The following BCL11A variants were observed in gnomAD, a reference collection of about 807,000 sequenced individuals.
BCL11A encodes B cell CLL/lymphoma 11A.
A neutral mutation model predicts 55.9 loss-of-function variants in BCL11A; 2 were observed. The observed-to-expected ratio is 0.04, with a 90% CI of 0.01 to 0.11. The LOEUF (loss-of-function observed/expected upper bound fraction) is 0.11, where lower values mean the gene tolerates loss of function less well. BCL11A is among the 10% of genes least tolerant of loss of function. The probability of loss-of-function intolerance (pLI) is 1.00; values close to 1 mark genes in which losing one functional copy is unlikely to be tolerated. For missense variants in BCL11A, 817 were observed against 1,137.1 expected (o/e 0.72, Z 4.05); for synonymous variants, 465 against 473.4 (o/e 0.98, Z 0.23).
intron 3 of BCL11A, among the ~76,000 whole-genome samples, chr2:60,467,861 ATGGTAC>A (rs1676901638): frequency 1.8e-5 from 1 of 54,134 alleles, no homozygotes. Context: ...ACTGGTGGTG[ATGGTAC>A]TGGTGGTGAT....
rs1676304819 is a variant in BCL11A at position 60,461,732 on chromosome 2, C to G, written c.1180G>C (p.Val394Leu). ...KTFKFQSNLV[V>L]HRRSHTGEKP... is the part of the protein sequence containing the mutation. The stretch of plus-strand genomic sequence containing the variant: ...TCGCCCGTGTGGCTGCGCCGGTGCA[C>G]CACCAGGTTGCTCTGAAATTTGAAC... The change falls in exon 4 of 4, where the codon GTG becomes CTG. Residue 394 changes from valine to leucine, a missense_variant. Physicochemically the swap from Val to Leu is conservative, Grantham distance 32. Around this residue, in one of 4 missense-constraint regions of BCL11A, gnomAD observed 45 missense variants for 109.0 expected, o/e 0.41. Coordinates refer to ENST00000642384, the MANE Select transcript of BCL11A (RefSeq NM_022893.4). 6.2e-7 allele frequency: 1 copy of G among 1,613,960 alleles called. No individual in the cohort carries two copies. The highest frequency in any genetic ancestry group is 8.5e-7 in the Non-Finnish European group (1 of 1,180,054).
chr2:60,467,174 G>GTGGTGA (rs1558618400), intron 3 of BCL11A, among the ~76,000 whole-genome samples: 5 of 136,958 alleles, frequency 3.7e-5, no homozygotes, highest in African/African-American at 1.4e-4. Flanking sequence ...GGTGATGGTG[G>GTGGTGA]TGGTGGTGGT....
rs1435945401 is a variant in BCL11A, at chr2:60,462,028, C to G, written c.884G>C (p.Ser295Thr). 1.9e-6 allele frequency: 3 copies of G among 1,611,152 alleles called. No homozygotes were observed. Among genetic ancestry groups the G allele is most frequent in the Non-Finnish European group, 1.7e-6 (2 of 1,178,918 alleles). Residue 295 changes from serine to threonine, a missense_variant, in exon 4 of 4, where the codon AGT (serine) becomes ACT (threonine). Physicochemically the swap from Ser to Thr is moderately conservative, Grantham distance 58. Transcript: ENST00000642384. ...CAACCGCAGCACCCTGTCAAAGGCA[C>G]TCGGGTGATGGGTGGCCAGGGCCAT... ...EEMALATHHP[S>T]AFDRVLRLNP... is the part of the protein sequence containing the mutation.
At chr2:60,486,654 T>C (rs1447508500) in intron 2 of BCL11A, among the ~76,000 whole-genome samples, 1 of 152,176 alleles carries the variant, frequency 6.6e-6, no homozygotes, top group Non-Finnish European at 1.5e-5. Flanking sequence ...TGGCAGATTA[T>C]TACCAGACAT....
chr2:60,493,652 C>T (rs543526086), intron 2 of BCL11A, among the ~76,000 whole-genome samples: 14 of 152,282 alleles, frequency 9.2e-5, no homozygotes, highest in African/African-American at 3.1e-4. Context: ...AGAGCCCCCA[C>T]TAGCTCAGAA....
At position 60,457,401 on chromosome 2, in the gene BCL11A, T is replaced by C; in HGVS notation, c.*3003A>G. 1.2e-5 allele frequency: 12 copies of C among 1,026,132 alleles called. No individual in the cohort carries two copies. Among genetic ancestry groups the C allele is most frequent in the Non-Finnish European group, 1.3e-5 (11 of 852,112 alleles). The allele number at this position is 1,026,132 out of a possible 1,614,324, so 63.6% of individuals were successfully genotyped here. A position where few individuals can be genotyped will look rare whatever the true frequency, so the allele number is the denominator to read the frequency against. ...AATAAAAACAAAGAAAAATAAAAGA[T>C]CAAATTAAGTGCCTCTGTTTTGAAC... On this transcript the variant is annotated 3_prime_UTR_variant, in exon 4 of 4. Coordinates refer to ENST00000642384, the MANE Select transcript of BCL11A (RefSeq NM_022893.4).
chr2:60,535,843 A>T (rs1436973554), intron 2 of BCL11A: 1 of 152,244 alleles, frequency 6.6e-6, no homozygotes, highest in South Asian at 2.1e-4. Flanking sequence ...GTGTCCACCC[A>T]CCACCACCAT....
intron 2 of BCL11A, chr2:60,544,954 G>T (rs1056691042): frequency 6.6e-6 from 1 of 152,222 alleles, no homozygotes; most frequent in East Asian, 1.9e-4. Context: ...CCCTTGAGCT[G>T]CCGAGAAACC....
At chr2:60,510,056 T>A (rs1412774621) in intron 2 of BCL11A, among the ~76,000 whole-genome samples, 1 of 152,138 alleles carries the variant, frequency 6.6e-6, no homozygotes, top group African/African-American at 2.4e-5. Flanking sequence ...TCCAGCCCCT[T>A]CTCACGTCCC....
chr2:60,455,514 A>C (rs893958585), downstream of BCL11A, among the ~76,000 whole-genome samples: 1 of 152,206 alleles, frequency 6.6e-6, no homozygotes, highest in Non-Finnish European at 1.5e-5. Flanking sequence ...CCCATCTCCC[A>C]GTAAATTTAT....
At chr2:60,541,219 A>G (rs1024500374) in intron 2 of BCL11A, among the ~76,000 whole-genome samples, 7 of 100,454 alleles carry the variant, frequency 7.0e-5, no homozygotes, top group East Asian at 8.8e-4. Context: ...TATTCTCAAA[A>G]CATTATTTAT....
chr2:60,524,450 A>C (rs1045127919), intron 2 of BCL11A: 3 of 151,110 alleles, frequency 2.0e-5, no homozygotes, highest in African/African-American at 4.9e-5. Flanking sequence ...GCTAAACTTT[A>C]TGTTCCTTGT....
intron 2 of BCL11A, among the ~76,000 whole-genome samples, chr2:60,517,903 G>A (rs1320538042): frequency 6.8e-6 from 1 of 147,758 alleles, no homozygotes; most frequent in Admixed American, 6.7e-5. Context: ...TTTCTTCTAT[G>A]ATTCCTCAGA....
At chr2:60,524,716 A>C (rs1669134730) in intron 2 of BCL11A, 1 of 152,132 alleles carries the variant, frequency 6.6e-6, no homozygotes, top group African/African-American at 2.4e-5. Flanking sequence ...TTTGCCCCTT[A>C]CTCTGAGCAC....
downstream of BCL11A, among the ~76,000 whole-genome samples, chr2:60,456,589 T>C (rs1222266755): frequency 6.6e-6 from 1 of 152,174 alleles, no homozygotes; most frequent in Non-Finnish European, 1.5e-5. Flanking sequence ...CCCTAGTGGC[T>C]GCTTTCTTTT....
rs777930878 is a variant in BCL11A, at chr2:60,468,721, G to A, written c.487+11C>T. 3.8e-6 allele frequency: 6 copies of A among 1,588,144 alleles called. No homozygotes were observed. The highest frequency in any genetic ancestry group is 1.1e-5 in the South Asian group (1 of 90,378). ...CATGGACATTTGTAGAAGAAATAAG[G>A]CTCAACTTACAAATACCCTGCGGGG... On this transcript the variant is annotated intron_variant, in intron 3 of 3. Coordinates refer to ENST00000642384, the MANE Select transcript of BCL11A (RefSeq NM_022893.4).
intron 2 of BCL11A, among the ~76,000 whole-genome samples, chr2:60,514,385 G>A (rs45622439): frequency 0.23 from 34,665 of 151,782 alleles, 5,067 homozygotes; most frequent in Non-Finnish European, 0.34. Context: ...AGCCAGGTGC[G>A]GTGGCTCACA....
intron 2 of BCL11A, chr2:60,526,661 C>T (rs1008751832): frequency 3.3e-5 from 5 of 152,144 alleles, no homozygotes; most frequent in Admixed American, 2.6e-4. Context: ...TGAAACAATA[C>T]CAAGCCTTCA....
In BCL11A at chr2:60,546,444, A is replaced by G; in HGVS notation, c.56-144T>C. On this transcript the variant is annotated intron_variant, in intron 1 of 3. Coordinates refer to ENST00000642384, the MANE Select transcript of BCL11A (RefSeq NM_022893.4). This position sits in a 1 kb window ranked among gnomAD's most constrained non-coding sequence, Gnocchi z 4.1. ...TATATAATACCCAGAAAATGTGAGC[A>G]TACAAAAAGTACAAGGATGTGAAGG... The G allele has an allele frequency of 1.4e-6, 1 of 716,660 alleles. No homozygotes were observed. The highest frequency in any genetic ancestry group is 2.3e-6 in the Non-Finnish European group (1 of 438,338). 44.4% of individuals were successfully genotyped at this position (716,660 alleles called of 1,614,324 possible). A position where few individuals can be genotyped will look rare whatever the true frequency, so the allele number is the denominator to read the frequency against.
Sources: gnomAD v4.1 joint callset for allele counts (sites outside exome capture counted in the v4.1 genomes callset) on GRCh38, gnomAD v4.1.1 for gene constraint, gnomAD v4.1.1 regional missense constraint, Gnocchi (gnomAD v3.1) non-coding constraint, MANE v1.5 for transcripts, NCBI Gene and HGNC (gene_info 2026-07-23, HGNC 2026-07-21) for gene names.